The following ANO4 variants were observed in gnomAD, a reference collection of about 807,000 sequenced individuals.
ANO4 encodes the protein anoctamin 4.
In ANO4, 69 loss-of-function variants were observed where a neutral mutation model predicts 141.9. That is an observed-to-expected ratio of 0.49 (90% CI 0.40 to 0.59). The LOEUF is 0.59. Among genes scored for constraint, ANO4 ranks in the 20% least tolerant of loss-of-function variants. The probability of loss-of-function intolerance (pLI) is 0.00; values close to 1 mark genes in which losing one functional copy is unlikely to be tolerated. For synonymous variants in ANO4, 350 were observed against 394.3 expected (o/e 0.89, Z 1.33); for missense variants, 894 against 1,162.2 (o/e 0.77, Z 3.36).
chr12:100,933,650 G>A (rs550880096), intron 3 of ANO4, among the ~76,000 whole-genome samples: 1 of 152,272 alleles, frequency 6.6e-6, no homozygotes, highest in East Asian at 1.9e-4. Flanking sequence ...TGGGATTGCT[G>A]GAATGGTATT....
chr12:101,061,671 C>T (rs1451404412), intron 14 of ANO4, among the ~76,000 whole-genome samples: 1 of 151,674 alleles, frequency 6.6e-6, no homozygotes, highest in Non-Finnish European at 1.5e-5. Flanking sequence ...GCTTGATCGA[C>T]TCGACTATTG....
At chr12:100,894,167 C>A (rs1204537487) in intron 1 of ANO4, among the ~76,000 whole-genome samples, 1 of 152,100 alleles carries the variant, frequency 6.6e-6, no homozygotes, top group African/African-American at 2.4e-5. Flanking sequence ...AAAGTTCTTC[C>A]TGGTTTTGAT....
At chr12:100,792,547 T>C (rs1207522532), upstream of ANO4, among the ~76,000 whole-genome samples, 1 of 152,212 alleles carries the variant, frequency 6.6e-6, no homozygotes, top group Non-Finnish European at 1.5e-5. Flanking sequence ...CTATCTGAAA[T>C]GGGAGGCATT....
intron 17 of ANO4, among the ~76,000 whole-genome samples, chr12:101,092,870 C>T (rs953005235): frequency 6.6e-6 from 1 of 152,072 alleles, no homozygotes; most frequent in African/African-American, 2.4e-5. Context: ...ACCAGTTAAT[C>T]AAGAATTGTA....
chr12:100,786,413 G>C (rs2033874969), intron 3 of ANO4, among the ~76,000 whole-genome samples: 1 of 152,130 alleles, frequency 6.6e-6, no homozygotes, highest in Non-Finnish European at 1.5e-5. Flanking sequence ...CCCCAGTCTT[G>C]CCCTACTTCT....
At chr12:100,950,906 A>C (rs995540131) in intron 5 of ANO4, among the ~76,000 whole-genome samples, 5 of 152,288 alleles carry the variant, frequency 3.3e-5, no homozygotes, top group African/African-American at 1.2e-4. Context: ...CATGAAATTC[A>C]TGGGGGTCCT....
intron 1 of ANO4, among the ~76,000 whole-genome samples, chr12:100,726,051 C>G (rs2031101471): frequency 6.6e-6 from 1 of 152,168 alleles, no homozygotes. Context: ...GATGTGAAAG[C>G]CACTCAGCAT....
At chr12:101,125,649 T>A in intron 26 of ANO4, among the ~76,000 whole-genome samples, 1 of 152,210 alleles carries the variant, frequency 6.6e-6, no homozygotes, top group African/African-American at 2.4e-5. Flanking sequence ...GTGGTTTTTG[T>A]CTTTAGTTCT....
chr12:101,021,849 T>C (rs112582102), intron 9 of ANO4, among the ~76,000 whole-genome samples: 1 of 152,156 alleles, frequency 6.6e-6, no homozygotes, highest in African/African-American at 2.4e-5. Context: ...AGGAAGTACA[T>C]AAAATTTTAC....
intron 5 of ANO4, among the ~76,000 whole-genome samples, chr12:100,945,233 T>G (rs2042677249): frequency 6.6e-6 from 1 of 152,220 alleles, no homozygotes; most frequent in Non-Finnish European, 1.5e-5. Context: ...TTTAACATCC[T>G]TATCTCTTTA....
At chr12:101,124,129 G>C (rs1026384325) in intron 26 of ANO4, among the ~76,000 whole-genome samples, 4 of 152,138 alleles carry the variant, frequency 2.6e-5, no homozygotes, top group African/African-American at 9.7e-5. Context: ...GCCAGCATCT[G>C]TTGTTTCTGG....
intron 1 of ANO4, among the ~76,000 whole-genome samples, chr12:100,849,612 T>C (rs1299855662): frequency 3.9e-5 from 6 of 152,244 alleles, no homozygotes; most frequent in African/African-American, 1.4e-4. Flanking sequence ...TATTCCACTC[T>C]ATGGATATAT....
intron 7 of ANO4, chr12:100,987,329 GTAA>G: frequency 1.7e-6 from 1 of 590,828 alleles, no homozygotes; most frequent in African/African-American, 1.8e-5. Context: ...TTCACAAACA[GTAA>G]TAATATTGAG....
At chr12:100,955,433 G>T (rs879362200) in intron 5 of ANO4, among the ~76,000 whole-genome samples, 1 of 152,100 alleles carries the variant, frequency 6.6e-6, no homozygotes, top group Non-Finnish European at 1.5e-5. Flanking sequence ...ATGACATCGT[G>T]GCTGGGTTCT....
At chr12:101,111,457 T>C (rs2050661676) in intron 23 of ANO4, 106 bp from the exon 24 acceptor site, 1 of 1,087,330 alleles carries the variant, frequency 9.2e-7, no homozygotes, top group Admixed American at 3.0e-5. Context: ...TTTGGAAAGA[T>C]GAAGAAAGGA....
At chr12:100,762,596 TG>T in intron 3 of ANO4, among the ~76,000 whole-genome samples, 1 of 152,144 alleles carries the variant, frequency 6.6e-6, no homozygotes, top group African/African-American at 2.4e-5. Context: ...CTTACTTCCC[TG>T]GGGACAAGTG....
chr12:101,117,734 C>G (rs1387955722), intron 25 of ANO4, among the ~76,000 whole-genome samples: 2 of 152,152 alleles, frequency 1.3e-5, no homozygotes, highest in East Asian at 3.9e-4. Context: ...TGGAGATTCC[C>G]TATCATGACA....
At chr12:100,886,379 G>GTTGC (rs3059248) in intron 1 of ANO4, among the ~76,000 whole-genome samples, 61,404 of 151,650 alleles carry the variant, frequency 0.4, 13,120 homozygotes, top group African/African-American at 0.55. Flanking sequence ...TGTGAAGATC[G>GTTGC]TTGCTTTCAG....
At position 100,988,639 on chromosome 12, in the gene ANO4, G is replaced by C. The variant is rs184044387; in HGVS notation, c.734+969G>C. On this transcript the variant is annotated intron_variant, in intron 8 of 27. Transcript: ENST00000392977. Reference sequence around the variant, plus strand: ...TGTAATACCTGCACTTTGGGAGGCAGAGGCAGGCAGATCACGAGGTCAAGA... The same window carrying C: ...TGTAATACCTGCACTTTGGGAGGCACAGGCAGGCAGATCACGAGGTCAAGA... Among the ~76,000 whole-genome samples the C allele has an allele frequency of 1.2e-3, 189 of 151,882 alleles. 3 individuals are homozygous for C. Among genetic ancestry groups the C allele is most frequent in the South Asian group, 6.2e-4 (3 of 4,810 alleles).
Sources: allele counts gnomAD v4.1 joint callset (sites outside exome capture counted in the v4.1 genomes callset), GRCh38; gene constraint gnomAD v4.1.1; transcripts MANE v1.5; gene names NCBI Gene and HGNC (gene_info 2026-07-23, HGNC 2026-07-21).